The following RNF114 variants were observed in gnomAD, a reference collection of about 807,000 sequenced individuals.
The protein encoded by RNF114 is ring finger protein 114.
RNF114 carries 6 observed loss-of-function variants against 28.4 expected under a neutral mutation model. That is an observed-to-expected ratio of 0.21 (90% confidence interval 0.12 to 0.42). The LOEUF is 0.42. Among genes scored for constraint, RNF114 ranks in the 10% least tolerant of loss-of-function variants. The pLI is 1.00. For missense variants in RNF114, 249 were observed against 311.7 expected (o/e 0.80, Z 1.51); for synonymous variants, 115 against 116.7 (o/e 0.99, Z 0.09).
At chr20:49,951,534 G>T (rs1037434428) in intron 5 of RNF114, among the ~76,000 whole-genome samples, 4 of 152,148 alleles carry the variant, frequency 2.6e-5, no homozygotes, top group African/African-American at 9.7e-5. Flanking sequence ...TTCGTGTGCT[G>T]TCTGGGTTTC....
rs766561339 is a variant in RNF114, at chr20:49,941,581, A to T, written c.161A>T (p.Gln54Leu). The T allele has an allele frequency of 3.1e-6, 5 of 1,605,122 alleles. No individual in the cohort carries two copies. In the African/African-American group the frequency reaches 5.4e-5, roughly 17 times the overall value. The change falls in exon 2 of 6, where the codon CAG (glutamine) becomes CTG (leucine). Residue 54 changes from glutamine to leucine, a missense_variant. Coordinates refer to ENST00000244061, the MANE Select transcript of RNF114 (RefSeq NM_018683.4). Reference protein sequence around the residue: ...CGHVFCSACLQECLKPKKPVC... With the variant: ...CGHVFCSACLLECLKPKKPVC... ...TCTAGCTTTTGCTCTGCATGCCTGC[A>T]GGAATGTCTGAAGCCGAAGAAGCCT...
chr20:49,945,945 C>T (rs1023464400), intron 3 of RNF114, among the ~76,000 whole-genome samples, 191 bp from the exon 4 acceptor site: 2 of 152,154 alleles, frequency 1.3e-5, no homozygotes, highest in African/African-American at 4.8e-5. Context: ...CGATTACAGG[C>T]GTAAACCACC....
rs577767873 is a variant in RNF114, at chr20:49,940,670, C to A, written c.141-891C>A. ...CCTTGTGATCTGCCCGCCTCGGCCT[C>A]CCAAAGTGCTGGGATTACAGGCATG... On this transcript the variant is annotated intron_variant, in intron 1 of 5. Transcript: ENST00000244061. Among the ~76,000 whole-genome samples, 61 of 152,228 alleles carry A rather than the reference C, an allele frequency of 4.0e-4. 1 individual carries two copies. The highest frequency in any genetic ancestry group is 1.3e-3 in the African/African-American group (55 of 41,522).
intron 1 of RNF114, among the ~76,000 whole-genome samples, chr20:49,937,199 A>G (rs530299508): frequency 1.3e-5 from 2 of 152,292 alleles, no homozygotes; most frequent in South Asian, 4.1e-4. Flanking sequence ...ATTAAAGCAG[A>G]TATGTGTATA....
intron 1 of RNF114, among the ~76,000 whole-genome samples, chr20:49,940,053 C>CAAAAA (rs71190515): frequency 1.2e-4 from 9 of 75,550 alleles, no homozygotes; most frequent in East Asian, 3.8e-4. Flanking sequence ...GACTCTGTCT[C>CAAAAA]AAAAAAAAAA....
intron 5 of RNF114, among the ~76,000 whole-genome samples, chr20:49,950,112 TGTG>T (rs1348065613): frequency 1.1e-4 from 16 of 151,936 alleles, no homozygotes; most frequent in African/African-American, 2.4e-5. Context: ...ATTAGCCAGG[TGTG>T]GTGGTGGGCA....
intron 1 of RNF114, 119 bp from the exon 2 acceptor site, chr20:49,941,442 A>T (rs2090307349): frequency 1.1e-5 from 12 of 1,110,260 alleles, no homozygotes; most frequent in Non-Finnish European, 1.5e-5. Flanking sequence ...TTGAACTGGG[A>T]GGAGAGAGCA....
intron 2 of RNF114, among the ~76,000 whole-genome samples, chr20:49,943,651 C>CTTTT (rs60425763): frequency 0.024 from 1,703 of 72,130 alleles, 82 homozygotes; most frequent in African/African-American, 0.051. Context: ...CTACTGTCTT[C>CTTTT]TTTTTTTTTT....
In RNF114 at chr20:49,949,427, G is replaced by A. The variant is rs2090347291; in HGVS notation, c.621+72G>A. 2.4e-6 allele frequency: 3 copies of A among 1,253,812 alleles called. No individual in the cohort carries two copies. The Admixed American group carries it at 5.1e-5, about 21-fold the overall frequency. The allele number at this position is 1,253,812 out of a possible 1,614,324, so 77.7% of individuals were successfully genotyped here. ...CGGCTACTTCACTCTTCTCAAAAGG[G>A]GAAATGGGGATCCCCAGTGTTGAAC... is the stretch of plus-strand genomic sequence containing the variant. On this transcript the variant is annotated intron_variant, in intron 5 of 5. Transcript: ENST00000244061.
intron 5 of RNF114, among the ~76,000 whole-genome samples, chr20:49,950,986 C>A (rs978074031): frequency 6.6e-6 from 1 of 152,164 alleles, no homozygotes; most frequent in Non-Finnish European, 1.5e-5. Flanking sequence ...TAGCCAAATA[C>A]GGCTGTCAGG....
At position 49,938,929 on chromosome 20, in the gene RNF114, A is replaced by C. The variant is rs77636551; in HGVS notation, c.140+2377A>C. ...ATCTGCCTTTGTGAACAGGCAACAC[A>C]AGTGATGGCCACAGGCCCTGCCTGT... On this transcript the variant is annotated intron_variant, in intron 1 of 5. Coordinates refer to ENST00000244061, the MANE Select transcript of RNF114 (RefSeq NM_018683.4). Among the ~76,000 whole-genome samples the C allele has an allele frequency of 6.9e-3, 1,049 of 152,332 alleles. 8 individuals are homozygous for C. Among genetic ancestry groups the C allele is most frequent in the African/African-American group, 0.021 (853 of 41,580 alleles).
At chr20:49,947,210 A>C (rs2146858281) in intron 4 of RNF114, among the ~76,000 whole-genome samples, 1 of 32,974 alleles carries the variant, frequency 3.0e-5, no homozygotes, top group Non-Finnish European at 5.0e-5. Context: ...GCAGAACAAA[A>C]CTGCCCCCCC....
Position 49,936,399 on chromosome 20 carries a change from A to G in RNF114, c.-14A>G, listed in dbSNP as rs765001604. On this transcript the variant is annotated 5_prime_UTR_variant, in exon 1 of 6. Transcript: ENST00000244061. ...CTCATCGGCCGCCGTTGCGCGGCGC[A>G]GAGCGGCAGCAAGATGGCGGCGCAA... 2 of 1,491,118 alleles carry G rather than the reference A, an allele frequency of 1.3e-6. No homozygotes were observed. Among genetic ancestry groups the G allele is most frequent in the South Asian group, 1.3e-5 (1 of 78,108 alleles). The allele number at this position is 1,491,118 out of a possible 1,614,324, so 92.4% of individuals were successfully genotyped here. A position where few individuals can be genotyped will look rare whatever the true frequency, so the allele number is the denominator to read the frequency against.
intron 1 of RNF114, among the ~76,000 whole-genome samples, chr20:49,939,981 G>A (rs1223704454): frequency 6.7e-6 from 1 of 150,238 alleles, no homozygotes; most frequent in Non-Finnish European, 1.5e-5. Context: ...TTGGACCGGG[G>A]AGGCAGATTT....
chr20:49,951,039 A>G (rs1420174702), intron 5 of RNF114, among the ~76,000 whole-genome samples: 1 of 152,176 alleles, frequency 6.6e-6, no homozygotes, highest in Non-Finnish European at 1.5e-5. Flanking sequence ...AAAGGGGCAC[A>G]CTGTTGTCTT....
At chr20:49,946,396 A>G in intron 4 of RNF114, 146 bp downstream of exon 4, 1 of 582,226 alleles carries the variant, frequency 1.7e-6, no homozygotes, top group Non-Finnish European at 3.0e-6. Context: ...TTGCTTAACC[A>G]TGCTCTATAG....
At chr20:49,951,109 T>C (rs993462835) in intron 5 of RNF114, among the ~76,000 whole-genome samples, 1 of 152,090 alleles carries the variant, frequency 6.6e-6, no homozygotes, top group Admixed American at 6.6e-5. Flanking sequence ...TACTTACATA[T>C]ATAGATGTCA....
chr20:49,936,426 A>G lies in RNF114; in HGVS notation c.14A>G (p.Gln5Arg), dbSNP rs749499097. 2.4e-5 allele frequency: 36 copies of G among 1,521,890 alleles called. No homozygotes were observed. The highest frequency in any genetic ancestry group is 2.7e-5 in the Non-Finnish European group (31 of 1,135,580). The allele number at this position is 1,521,890 out of a possible 1,614,324, so 94.3% of individuals were successfully genotyped here. The change falls in exon 1 of 6, where the codon CAG (glutamine) becomes CGG (arginine). Residue 5 changes from glutamine to arginine, a missense_variant. Physicochemically the swap from Gln to Arg is conservative, Grantham distance 43. Coordinates refer to ENST00000244061, the MANE Select transcript of RNF114 (RefSeq NM_018683.4). ...AGCGGCAGCAAGATGGCGGCGCAAC[A>G]GCGGGACTGCGGGGGTGCTGCGCAG... Reference protein sequence around the residue: MAAQQRDCGGAAQLA... With the variant: MAAQRRDCGGAAQLA...
chr20:49,947,769 G>GTTTTTTTTTTTTTTTTTTTTTTTTTTTT (rs71190519), intron 4 of RNF114, among the ~76,000 whole-genome samples: 1 of 50,476 alleles, frequency 2.0e-5, no homozygotes, highest in Non-Finnish European at 3.5e-5. Flanking sequence ...CCCTCTGCAA[G>GTTTTTTTTTTTTTTTTTTTTTTTTTTTT]TTTTTTTTTT....
Sources: gnomAD v4.1 joint callset for allele counts (sites outside exome capture counted in the v4.1 genomes callset) on GRCh38, gnomAD v4.1.1 for gene constraint, MANE v1.5 for transcripts, NCBI Gene and HGNC (gene_info 2026-07-23, HGNC 2026-07-21) for gene names.